The following PTPN14 variants were observed in gnomAD, a reference collection of about 807,000 sequenced individuals.
PTPN14 encodes tyrosine-protein phosphatase non-receptor type 14.
Under a neutral mutation model 126.8 loss-of-function variants are expected in PTPN14, and 53 were observed. That is an observed-to-expected ratio of 0.42 (90% CI 0.34 to 0.53). The LOEUF is 0.53. Among genes scored for constraint, PTPN14 ranks in the 20% least tolerant of loss-of-function variants. PTPN14 has a pLI of 0.08. For synonymous variants in PTPN14, 630 were observed against 599.3 expected (o/e 1.05, Z -0.75); for missense variants, 1,257 against 1,552.9 (o/e 0.81, Z 3.20).
chr1:214,462,193 C>T (rs1343682622), intron 2 of PTPN14, among the ~76,000 whole-genome samples: 2 of 152,192 alleles, frequency 1.3e-5, no homozygotes, highest in Non-Finnish European at 2.9e-5. Context: ...GTATTAAACA[C>T]AAACCCCACC....
rs4259615 is a variant in PTPN14 at position 214,455,616 on chromosome 1, C to T, written c.175-3642G>A. On this transcript the variant is annotated intron_variant, in intron 2 of 18. Coordinates refer to ENST00000366956, the MANE Select transcript of PTPN14 (RefSeq NM_005401.5). ...GAAGACAGAAGAGCCAGTCCTCAGA[C>T]ACAAGAACCACATCCCTGAACCACT... 2.0e-5 allele frequency among the ~76,000 whole-genome samples: 3 copies of T among 151,592 alleles called. No homozygotes were observed. The South Asian group carries it at 6.2e-4, about 31-fold the overall frequency.
intron 1 of PTPN14, among the ~76,000 whole-genome samples, chr1:214,466,744 A>T (rs1242111863): frequency 6.6e-6 from 1 of 152,098 alleles, no homozygotes; most frequent in Non-Finnish European, 1.5e-5. Context: ...ATCCACTAGG[A>T]TTTACACTCT....
At chr1:214,381,951 C>T (rs1363691853) in intron 13 of PTPN14, among the ~76,000 whole-genome samples, 1 of 152,156 alleles carries the variant, frequency 6.6e-6, no homozygotes, top group African/African-American at 2.4e-5. Context: ...GTCATCCAGG[C>T]TGGAGTGCAG....
At chr1:214,392,272 C>CAGGT (rs1372788808) in intron 10 of PTPN14, among the ~76,000 whole-genome samples, 4 of 151,916 alleles carry the variant, frequency 2.6e-5, no homozygotes, top group Non-Finnish European at 5.9e-5. Context: ...TTAGGAACCT[C>CAGGT]TTATACTTGG....
intron 1 of PTPN14, chr1:214,483,344 C>G (rs1263117064): frequency 2.5e-6 from 4 of 1,612,804 alleles, no homozygotes; most frequent in Non-Finnish European, 3.4e-6. Context: ...CTTGGAGAGC[C>G]GCGGCTTCCC....
chr1:214,527,254 G>A (rs1178555863), intron 1 of PTPN14, among the ~76,000 whole-genome samples: 1 of 152,196 alleles, frequency 6.6e-6, no homozygotes, highest in Non-Finnish European at 1.5e-5. Flanking sequence ...CTGCGTGCAG[G>A]CAGAGGTTTC....
Position 214,506,353 on chromosome 1 carries a change from TA to T in PTPN14, c.-154-41397del, listed in dbSNP as rs1224925455. Among the ~76,000 whole-genome samples, 642 of 148,292 alleles carry T rather than the reference TA, an allele frequency of 4.3e-3. 7 individuals carry two copies. The highest frequency in any genetic ancestry group is 0.015 in the African/African-American group (571 of 38,646). On this transcript the variant is annotated intron_variant, in intron 1 of 18. Transcript: ENST00000366956. Reference sequence around the variant, plus strand: ...GCCCCGTCTCTTAAATTTTTTTTTTTAAAATTTTTTAAATGAGCTGGGTGTT... The same window carrying T: ...GCCCCGTCTCTTAAATTTTTTTTTTTAAATTTTTTAAATGAGCTGGGTGTT...
At chr1:214,393,894 A>G (rs1200018946) in intron 9 of PTPN14, 117 bp from the exon 10 acceptor site, 2 of 804,886 alleles carry the variant, frequency 2.5e-6, no homozygotes, top group Admixed American at 4.6e-5. Flanking sequence ...CAAGCACAAA[A>G]TAATACATGG....
Position 214,380,412 on chromosome 1 carries a change from T to TA in PTPN14, c.2545-2311dup, listed in dbSNP as rs563647351. Among the ~76,000 whole-genome samples the TA allele has an allele frequency of 1.2e-3, 181 of 152,024 alleles. 5 individuals carry two copies. In the South Asian group the frequency reaches 0.032, roughly 27 times the overall value. ...CACCCTATCAGCTTGTTACCAGAGA[T>TA]AAAAAAAATAATAATAATTCACAAG... On this transcript the variant is annotated intron_variant, in intron 13 of 18. Transcript: ENST00000366956.
intron 12 of PTPN14, among the ~76,000 whole-genome samples, chr1:214,385,591 T>TAC (rs1047191635): frequency 1.7e-4 from 26 of 151,692 alleles, no homozygotes; most frequent in Admixed American, 4.6e-4. Flanking sequence ...GGTGTTCTCT[T>TAC]ACACACACAC....
At chr1:214,513,762 T>C (rs1229657480) in intron 1 of PTPN14, among the ~76,000 whole-genome samples, 1 of 152,168 alleles carries the variant, frequency 6.6e-6, no homozygotes, top group East Asian at 1.9e-4. Context: ...ATCGGTAAAA[T>C]GGGGGCAATA....
chr1:214,484,034 A>T (rs1437690981), intron 1 of PTPN14, among the ~76,000 whole-genome samples: 2 of 152,250 alleles, frequency 1.3e-5, no homozygotes, highest in Non-Finnish European at 2.9e-5. Flanking sequence ...AGGAAAAAGA[A>T]ATCGTAGAAT....
At position 214,364,399 on chromosome 1, in the gene PTPN14, T is replaced by A; in HGVS notation, c.3435+113A>T. ...GAACCAGGAGCCTGGAAAACTCTGG[T>A]TGGGAGACAGGAAATTAACCACTGA... is the stretch of plus-strand genomic sequence containing the variant. On this transcript the variant is annotated intron_variant, in intron 18 of 18. Coordinates refer to ENST00000366956, the MANE Select transcript of PTPN14 (RefSeq NM_005401.5). This position sits in a 1 kb window ranked among gnomAD's most constrained non-coding sequence, Gnocchi z 4.1. The A allele has an allele frequency of 7.3e-7, 1 of 1,372,700 alleles. No homozygotes were observed. The highest frequency in any genetic ancestry group is 9.9e-7 in the Non-Finnish European group (1 of 1,013,930). The allele number at this position is 1,372,700 out of a possible 1,614,324, so 85.0% of individuals were successfully genotyped here.
At chr1:214,423,671 A>G (rs2102596949) in intron 3 of PTPN14, among the ~76,000 whole-genome samples, 1 of 152,278 alleles carries the variant, frequency 6.6e-6, no homozygotes, top group Admixed American at 6.5e-5. Flanking sequence ...ATTTTCTCAT[A>G]TTCACAGCTT....
In PTPN14 at chr1:214,383,607, G is replaced by A; in HGVS notation, c.2248C>T (p.Pro750Ser). 6.2e-7 allele frequency: 1 copy of A among 1,613,450 alleles called. No individual in the cohort carries two copies. Among genetic ancestry groups the A allele is most frequent in the Non-Finnish European group, 8.5e-7 (1 of 1,179,944 alleles). The change falls in exon 13 of 19, where the codon CCT (proline) becomes TCT (serine). Residue 750 changes from proline to serine, a missense_variant. By Grantham distance (74) the Pro-to-Ser change is moderately conservative. Transcript: ENST00000366956. The surrounding 1 kb of genome is among the most constrained non-coding windows in gnomAD (Gnocchi z 4.4). ...ALARIPNKPPPEYPGPRKSVS... is the reference protein window; with the variant it reads ...ALARIPNKPPSEYPGPRKSVS... ...CTCTTCCTTGGACCGGGGTACTCAG[G>A]CGGGGGCTTGTTGGGGATGCGGGCC... is the stretch of plus-strand genomic sequence containing the variant.
At chr1:214,486,391 T>A (rs1014482101) in intron 1 of PTPN14, among the ~76,000 whole-genome samples, 9 of 152,196 alleles carry the variant, frequency 5.9e-5, no homozygotes, top group Admixed American at 6.5e-5. Context: ...CTACATGGTC[T>A]CCCATCTTCC....
In PTPN14 at chr1:214,407,232, A is replaced by G. The variant is rs1273055266; in HGVS notation, c.511-4279T>C. Among the ~76,000 whole-genome samples the G allele has an allele frequency of 2.6e-5, 4 of 152,222 alleles. No homozygotes were observed. In the South Asian group the frequency reaches 6.2e-4, roughly 24 times the overall value. Reference sequence around the variant, plus strand: ...CACTGTTTACTTGGAGGGAAATAAAATAAGAATGGAGGCTGGACACAGTGG... The same window carrying G: ...CACTGTTTACTTGGAGGGAAATAAAGTAAGAATGGAGGCTGGACACAGTGG... On this transcript the variant is annotated intron_variant, in intron 5 of 18. Coordinates refer to ENST00000366956, the MANE Select transcript of PTPN14 (RefSeq NM_005401.5).
intron 1 of PTPN14, among the ~76,000 whole-genome samples, chr1:214,547,046 G>C (rs1655986864): frequency 6.6e-6 from 1 of 152,104 alleles, no homozygotes; most frequent in Admixed American, 6.5e-5. Context: ...CACACAAAAA[G>C]GCACTTAGTC....
At chr1:214,372,309 TG>T (rs56068523) in intron 16 of PTPN14, 156,687 of 210,658 alleles carry the variant, frequency 0.74, 58,797 homozygotes, top group Non-Finnish European at 0.77. Flanking sequence ...TGCCTGGAGT[TG>T]GGCGTCTATG....
Sources: allele counts gnomAD v4.1 joint callset (sites outside exome capture counted in the v4.1 genomes callset), GRCh38; gene constraint gnomAD v4.1.1; non-coding constraint Gnocchi (gnomAD v3.1); transcripts MANE v1.5; gene names NCBI Gene and HGNC (gene_info 2026-07-23, HGNC 2026-07-21).